EIF4G3: variants seen among roughly 807,000 people sequenced by gnomAD.
EIF4G3 encodes eukaryotic translation initiation factor 4 gamma 3.
A neutral mutation model predicts 186.4 loss-of-function variants in EIF4G3; 34 were observed. The ratio of observed to expected loss-of-function variants is 0.18; its 90% CI spans 0.14 to 0.24. The LOEUF (loss-of-function observed/expected upper bound fraction) is 0.24. Among genes scored for constraint, EIF4G3 ranks in the 10% least tolerant of loss-of-function variants. The probability of loss-of-function intolerance (pLI) is 1.00; values close to 1 mark genes in which losing one functional copy is unlikely to be tolerated. For missense variants in EIF4G3, 1,536 were observed against 1,948.5 expected (o/e 0.79, Z 3.99); for synonymous variants, 673 against 679.5 (o/e 0.99, Z 0.15).
chr1:20,943,114 G>A lies in EIF4G3; in HGVS notation c.824-784C>T, dbSNP rs936587048. The stretch of plus-strand genomic sequence containing the variant: ...GGAGTTTGAGGTTGCATTGAGCTAC[G>A]AATGCATCACTGCACTCCAGCCTGG... On this transcript the variant is annotated intron_variant, in intron 13 of 36. Coordinates refer to ENST00000602326, the MANE Select transcript of EIF4G3 (RefSeq NM_001391906.1). Among the ~76,000 whole-genome samples the A allele has an allele frequency of 3.3e-5, 5 of 152,054 alleles. No homozygotes were observed. In the East Asian group the frequency reaches 7.7e-4, roughly 23 times the overall value.
chr1:21,001,480 C>T (rs1183620431), intron 5 of EIF4G3, among the ~76,000 whole-genome samples, 168 bp from the exon 6 acceptor site: 1 of 152,184 alleles, frequency 6.6e-6, no homozygotes, highest in African/African-American at 2.4e-5. Flanking sequence ...CATAATGTTC[C>T]ATGTTTAATT....
At chr1:21,117,831 A>G (rs1331083205) in intron 2 of EIF4G3, among the ~76,000 whole-genome samples, 3 of 151,620 alleles carry the variant, frequency 2.0e-5, no homozygotes, top group Non-Finnish European at 4.4e-5. Context: ...CCTGGCTACA[A>G]TAAGGACGAA....
At chr1:20,848,555 CACT>C (rs2072034158) in intron 29 of EIF4G3, among the ~76,000 whole-genome samples, 1 of 152,110 alleles carries the variant, frequency 6.6e-6, no homozygotes, top group Admixed American at 6.5e-5. Flanking sequence ...ATGTCTTATT[CACT>C]ACTATCTCAA....
intron 30 of EIF4G3, among the ~76,000 whole-genome samples, chr1:20,835,327 AAAG>A (rs1336550126): frequency 1.3e-5 from 2 of 152,184 alleles, no homozygotes; most frequent in Non-Finnish European, 2.9e-5. Context: ...GGAACTAGAA[AAAG>A]AAGAACAAAC....
chr1:20,812,751 T>C (rs1166856745), intron 35 of EIF4G3, among the ~76,000 whole-genome samples: 2 of 152,260 alleles, frequency 1.3e-5, no homozygotes, highest in African/African-American at 2.4e-5. Context: ...TTTTTCTTCA[T>C]GTATGTACTT....
At chr1:21,126,987 TTTG>T (rs1032915614) in intron 2 of EIF4G3, among the ~76,000 whole-genome samples, 1 of 152,230 alleles carries the variant, frequency 6.6e-6, no homozygotes, top group African/African-American at 2.4e-5. Context: ...TGTTGGTGTT[TTTG>T]TTGTTGTTGT....
chr1:21,056,214 C>T (rs1220095716), intron 3 of EIF4G3, among the ~76,000 whole-genome samples: 6 of 152,106 alleles, frequency 3.9e-5, no homozygotes, highest in Non-Finnish European at 4.4e-5. Context: ...GGCACTTCCT[C>T]CTAAATTTGG....
intron 32 of EIF4G3, among the ~76,000 whole-genome samples, chr1:20,826,274 C>T (rs930966748): frequency 6.6e-6 from 1 of 151,452 alleles, no homozygotes; most frequent in African/African-American, 2.4e-5. Flanking sequence ...TCAAGCGATT[C>T]TCCTGCCTCA....
chr1:20,913,165 A>G (rs2093445673), intron 14 of EIF4G3, among the ~76,000 whole-genome samples: 1 of 152,204 alleles, frequency 6.6e-6, no homozygotes, highest in African/African-American at 2.4e-5. Context: ...TTTCTGCTCT[A>G]TCACTACTTC....
At chr1:21,113,184 A>G (rs953561495) in intron 2 of EIF4G3, among the ~76,000 whole-genome samples, 3 of 146,360 alleles carry the variant, frequency 2.0e-5, no homozygotes, top group East Asian at 2.0e-4. Context: ...AGAGCTATGT[A>G]ATGTTTTTTA....
chr1:20,916,075 A>T (rs2093830221), intron 14 of EIF4G3, among the ~76,000 whole-genome samples: 1 of 152,208 alleles, frequency 6.6e-6, no homozygotes, highest in Admixed American at 6.5e-5. Flanking sequence ...AGTAACAAAA[A>T]TTGAAATAAA....
intron 7 of EIF4G3, among the ~76,000 whole-genome samples, chr1:20,982,638 T>G (rs1008241635): frequency 6.6e-5 from 10 of 152,174 alleles, no homozygotes; most frequent in African/African-American, 2.2e-4. Flanking sequence ...TGAAATCCAG[T>G]GGCAAAAATC....
At position 21,001,311 on chromosome 1, in the gene EIF4G3, G is replaced by T. The variant is rs2083455860; in HGVS notation, c.32C>A (p.Pro11His). MNSQPQTRSP[P>H]SRTVPIHCTD... ...GCAATGTATTGGCACTGTTCTGCTGGGCTGTCAAAAAAACTGGTTTAGAGA... is the reference window on the plus strand; with the variant it reads ...GCAATGTATTGGCACTGTTCTGCTGTGCTGTCAAAAAAACTGGTTTAGAGA... The change falls in exon 6 of 37, where the codon CCC (proline) becomes CAC (histidine). Residue 11 changes from proline to histidine, a missense_variant and splice_region_variant. Transcript: ENST00000602326. 1 of 470,994 alleles carries T rather than the reference G, an allele frequency of 2.1e-6. No individual in the cohort carries two copies. Among genetic ancestry groups the T allele is most frequent in the Non-Finnish European group, 4.4e-6 (1 of 226,986 alleles). The allele number at this position is 470,994 out of a possible 1,614,324, so 29.2% of individuals were successfully genotyped here.
intron 4 of EIF4G3, among the ~76,000 whole-genome samples, chr1:21,024,909 A>AAG (rs1366267247): frequency 2.0e-5 from 3 of 151,750 alleles, no homozygotes; most frequent in Non-Finnish European, 2.9e-5. Flanking sequence ...TTTAAAAAAA[A>AAG]AAAAAGAAAG....
chr1:21,039,576 T>A (rs187416407), intron 4 of EIF4G3, among the ~76,000 whole-genome samples: 170 of 152,214 alleles, frequency 1.1e-3, no homozygotes, highest in African/African-American at 3.8e-3. Flanking sequence ...GCTGGGGGGA[T>A]CCCTTGTATC....
intron 2 of EIF4G3, among the ~76,000 whole-genome samples, chr1:21,134,185 T>G (rs570503618): frequency 6.6e-6 from 1 of 152,324 alleles, no homozygotes; most frequent in African/African-American, 2.4e-5. Flanking sequence ...CTCACATTCC[T>G]GTATCTCAGT....
rs7543385 is a variant in EIF4G3, at chr1:21,112,416, G to T, written c.-271-23203C>A. On this transcript the variant is annotated intron_variant, in intron 2 of 36. Coordinates refer to ENST00000602326, the MANE Select transcript of EIF4G3 (RefSeq NM_001391906.1). ...ATTTTTGATCACTAAGCAAAACAGT[G>T]AACTACATTATCTTTTAGCTTTTGG... 6.2e-3 allele frequency among the ~76,000 whole-genome samples: 940 copies of T among 152,106 alleles called. 8 individuals carry two copies. Among genetic ancestry groups the T allele is most frequent in the African/African-American group, 0.022 (905 of 41,496 alleles).
rs2094460207 is a variant in EIF4G3, at chr1:21,054,334, GAA to G, written c.-195-3342_-195-3341del. Among the ~76,000 whole-genome samples, 18 of 131,504 alleles carry G rather than the reference GAA, an allele frequency of 1.4e-4. 2 individuals carry two copies. In the South Asian group the frequency reaches 4.4e-3, roughly 32 times the overall value. 86.3% of individuals were successfully genotyped at this position (131,504 alleles called of 152,430 possible). On this transcript the variant is annotated intron_variant, in intron 3 of 36. Transcript: ENST00000602326. The stretch of plus-strand genomic sequence containing the variant: ...AGTACCCAGGGACACAAACACTGCG[GAA>G]GGCCGCAGGGTCCTCTGCCTAGGAA...
intron 18 of EIF4G3, chr1:20,893,004 G>A: frequency 2.9e-6 from 1 of 348,316 alleles, no homozygotes; most frequent in East Asian, 5.6e-5. Flanking sequence ...ACCTCCTGGG[G>A]TCAAGTAATT....
Sources: gnomAD v4.1 joint callset for allele counts (sites outside exome capture counted in the v4.1 genomes callset) on GRCh38, gnomAD v4.1.1 for gene constraint, MANE v1.5 for transcripts, NCBI Gene and HGNC (gene_info 2026-07-23, HGNC 2026-07-21) for gene names.